Variants in BCAT1 observed in about 807,000 individuals in gnomAD.
BCAT1 encodes branched chain amino acid transaminase 1, also known as branched-chain-amino-acid aminotransferase, cytosolic.
Under a neutral mutation model 52.4 loss-of-function variants are expected in BCAT1, and 48 were observed. The observed-to-expected ratio is 0.92, with a 90% CI of 0.73 to 1.16. The LOEUF is 1.16. Ranked by LOEUF, BCAT1 falls within the 50% of genes most tolerant of loss-of-function variation. The pLI is 0.00. For synonymous variants in BCAT1, 167 were observed against 161.3 expected, an observed-to-expected ratio of 1.04 and a Z score of -0.27; for missense variants, 451 against 457.1, an observed-to-expected ratio of 0.99 and a Z score of 0.12.
intron 5 of BCAT1, among the ~76,000 whole-genome samples, chr12:24,865,547 T>C: frequency 6.6e-6 from 1 of 152,236 alleles, no homozygotes; most frequent in East Asian, 1.9e-4. Context: ...AGTTCTTATA[T>C]TTGTTGTATC....
chr12:24,917,813 C>T (rs1317662543), intron 1 of BCAT1, among the ~76,000 whole-genome samples: 2 of 152,218 alleles, frequency 1.3e-5, no homozygotes, highest in African/African-American at 4.8e-5. Flanking sequence ...GGGAACTTCT[C>T]TGGGCTCTCC....
chr12:24,849,933 T>C lies in BCAT1; in HGVS notation c.527A>G (p.Lys176Arg), dbSNP rs376524284. ...FIGTEPSLGV[K>R]KPTKALLFVL... is the part of the protein sequence containing the mutation. ...AAAGAGCAGGGCTTTGGTAGGCTTC[T>C]TGACTCCAAGAGAAGGCTGCAACAA... The change falls in exon 6 of 11, where the codon AAG becomes AGG. Residue 176 changes from lysine (K) to arginine (R), a missense_variant. Physicochemically the swap from Lys to Arg is conservative, Grantham distance 26. Transcript: ENST00000261192. 1 of 1,610,050 alleles carries C rather than the reference T, an allele frequency of 6.2e-7. No homozygotes were observed. The highest frequency in any genetic ancestry group is 8.5e-7 in the Non-Finnish European group (1 of 1,177,520).
intron 3 of BCAT1, among the ~76,000 whole-genome samples, chr12:24,888,753 C>G (rs1942754320): frequency 6.6e-6 from 1 of 152,154 alleles, no homozygotes; most frequent in Non-Finnish European, 1.5e-5. Context: ...AAGAAATCAC[C>G]TGCAGATAGT....
At chr12:24,849,463 A>G (rs1452189477) in intron 6 of BCAT1, among the ~76,000 whole-genome samples, 2 of 152,222 alleles carry the variant, frequency 1.3e-5, no homozygotes, top group African/African-American at 4.8e-5. Flanking sequence ...AAGTTTATCC[A>G]AAGCACCGAT....
At chr12:24,824,097 G>T (rs572216565) in intron 10 of BCAT1, among the ~76,000 whole-genome samples, 1 of 152,230 alleles carries the variant, frequency 6.6e-6, no homozygotes, top group African/African-American at 2.4e-5. Flanking sequence ...CTCAGTGAAA[G>T]CTTCATGATC....
chr12:24,859,860 T>A (rs986868239), intron 5 of BCAT1, among the ~76,000 whole-genome samples: 1 of 152,188 alleles, frequency 6.6e-6, no homozygotes, highest in African/African-American at 2.4e-5. Flanking sequence ...TTACTTGGTA[T>A]ATTAAAATCA....
At chr12:24,852,361 CAAT>C (rs1305460717) in intron 5 of BCAT1, among the ~76,000 whole-genome samples, 1 of 152,174 alleles carries the variant, frequency 6.6e-6, no homozygotes, top group Non-Finnish European at 1.5e-5. Flanking sequence ...GGCATCATCT[CAAT>C]AATTTACCTA....
chr12:24,840,486 T>C (rs1229309762), intron 7 of BCAT1, among the ~76,000 whole-genome samples: 1 of 152,196 alleles, frequency 6.6e-6, no homozygotes, highest in Non-Finnish European at 1.5e-5. Flanking sequence ...TCATAAATAT[T>C]CCTGTATAAA....
chr12:24,922,098 T>G lies in BCAT1; in HGVS notation c.7-20213A>C, dbSNP rs112945571. On this transcript the variant is annotated intron_variant, in intron 1 of 10. Coordinates refer to ENST00000261192, the MANE Select transcript of BCAT1 (RefSeq NM_005504.7). ...AATAATCAAAGATTTGAGAGTTAATTTGAGTGACTGTGTCAGTATTATTCC... is the reference window on the plus strand; with the variant it reads ...AATAATCAAAGATTTGAGAGTTAATGTGAGTGACTGTGTCAGTATTATTCC... 8.7e-3 allele frequency among the ~76,000 whole-genome samples: 1,321 copies of G among 152,280 alleles called. 9 individuals are homozygous for G. The highest frequency in any genetic ancestry group is 0.027 in the Middle Eastern group (8 of 294).
Position 24,811,914 on chromosome 12 carries a change from A to G in BCAT1, c.*6094T>C, listed in dbSNP as rs1261042538. The G allele has an allele frequency of 6.6e-6, 1 of 152,098 alleles. No individual in the cohort carries two copies. The highest frequency in any genetic ancestry group is 2.4e-5 in the African/African-American group (1 of 41,444). The allele number at this position is 152,098 out of a possible 1,614,324, so 9.4% of individuals were successfully genotyped here. On this transcript the variant is annotated 3_prime_UTR_variant, in exon 11 of 11. Coordinates refer to ENST00000261192, the MANE Select transcript of BCAT1 (RefSeq NM_005504.7). The stretch of plus-strand genomic sequence containing the variant: ...CATTTAAAAACTACTTCCTCGAACT[A>G]CTTATTTTTCCTCAGCCACAAGTAA...
chr12:24,941,352 T>A (rs754957081), intron 1 of BCAT1, among the ~76,000 whole-genome samples: 1 of 152,232 alleles, frequency 6.6e-6, no homozygotes, highest in Admixed American at 6.5e-5. Context: ...AGCAGCTATA[T>A]GTGTTTGGCA....
At chr12:24,946,748 A>G (rs781723889) in intron 1 of BCAT1, among the ~76,000 whole-genome samples, 21 of 152,202 alleles carry the variant, frequency 1.4e-4, no homozygotes, top group South Asian at 2.1e-4. Context: ...TTGCACAGCT[A>G]CTGACAGAAA....
chr12:24,896,739 C>T (rs2139661068), intron 2 of BCAT1, among the ~76,000 whole-genome samples: 1 of 152,186 alleles, frequency 6.6e-6, no homozygotes, highest in South Asian at 2.1e-4. Context: ...GCACTCCAGC[C>T]TGGGCAATAA....
At chr12:24,851,853 A>C in intron 5 of BCAT1, among the ~76,000 whole-genome samples, 1 of 152,114 alleles carries the variant, frequency 6.6e-6, no homozygotes, top group Non-Finnish European at 1.5e-5. Context: ...ACTTTTATTT[A>C]ACCTCTCAGT....
chr12:24,841,942 G>T, intron 7 of BCAT1, 140 bp downstream of exon 7: 1 of 900,574 alleles, frequency 1.1e-6, no homozygotes, highest in Non-Finnish European at 1.6e-6. Context: ...GTGTCTATTT[G>T]GGCAGCAAAA....
At chr12:24,908,220 C>T (rs1035835779) in intron 1 of BCAT1, among the ~76,000 whole-genome samples, 10 of 152,136 alleles carry the variant, frequency 6.6e-5, no homozygotes, top group Admixed American at 1.3e-4. Context: ...TTCCTCTACT[C>T]GTTGTCTTCC....
At chr12:24,911,041 T>C (rs942567251) in intron 1 of BCAT1, among the ~76,000 whole-genome samples, 21 of 151,708 alleles carry the variant, frequency 1.4e-4, no homozygotes, top group Admixed American at 1.1e-3. Flanking sequence ...GAGGTGGAGG[T>C]TGCAGTGAGC....
intron 1 of BCAT1, among the ~76,000 whole-genome samples, chr12:24,935,611 T>C (rs1042469196): frequency 2.0e-5 from 3 of 152,204 alleles, no homozygotes; most frequent in African/African-American, 7.2e-5. Flanking sequence ...TCCTGAGAAT[T>C]TCCCAAGTCA....
chr12:24,949,100 G>A lies in BCAT1; in HGVS notation c.-168C>T. Reference sequence around the variant, plus strand: ...GCGAGTACACGTGGCGGGCTGGATTGCAGACCGGCCCTCTCGCGGCGGAGA... The same window carrying A: ...GCGAGTACACGTGGCGGGCTGGATTACAGACCGGCCCTCTCGCGGCGGAGA... On this transcript the variant is annotated 5_prime_UTR_variant, in exon 1 of 11. Transcript: ENST00000261192. 1 of 629,530 alleles carries A rather than the reference G, an allele frequency of 1.6e-6. No individual in the cohort carries two copies. The allele number at this position is 629,530 out of a possible 1,614,324, so 39.0% of individuals were successfully genotyped here.
Sources: allele counts gnomAD v4.1 joint callset (sites outside exome capture counted in the v4.1 genomes callset), GRCh38; gene constraint gnomAD v4.1.1; transcripts MANE v1.5; gene names NCBI Gene and HGNC (gene_info 2026-07-23, HGNC 2026-07-21).